Variants in COP1 observed in about 807,000 individuals in gnomAD.
COP1 encodes E3 ubiquitin-protein ligase COP1.
Under a neutral mutation model 101.3 loss-of-function variants are expected in COP1, and 24 were observed. That is an observed-to-expected ratio of 0.24 (90% CI 0.17 to 0.33). The LOEUF (loss-of-function observed/expected upper bound fraction) is 0.33. Ranked by LOEUF, COP1 falls within the 10% of genes least tolerant of loss-of-function variation. The pLI is 1.00. For synonymous variants in COP1, 347 were observed against 341.9 expected (o/e 1.01, Z -0.17); for missense variants, 663 against 906.2 (o/e 0.73, Z 3.45).
intron 9 of COP1, among the ~76,000 whole-genome samples, chr1:176,103,815 T>C (rs533540090): frequency 6.6e-6 from 1 of 152,214 alleles, no homozygotes; most frequent in Middle Eastern, 3.4e-3. Context: ...AGGCAAAACC[T>C]AGAGTTAAAA....
chr1:176,199,393 C>T (rs917765873), intron 1 of COP1, among the ~76,000 whole-genome samples: 8 of 136,626 alleles, frequency 5.9e-5, no homozygotes, highest in African/African-American at 9.9e-5. Context: ...TAAAACTAAA[C>T]ATACACTTGG....
chr1:176,023,676 C>A (rs1307547953), intron 15 of COP1, among the ~76,000 whole-genome samples: 1 of 148,136 alleles, frequency 6.8e-6, no homozygotes, highest in Non-Finnish European at 1.5e-5. Context: ...TGAGATCGTG[C>A]CATTGCACAC....
At chr1:176,200,567 AAATAC>A (rs1700165440) in intron 1 of COP1, among the ~76,000 whole-genome samples, 1 of 152,246 alleles carries the variant, frequency 6.6e-6, no homozygotes, top group South Asian at 2.1e-4. Context: ...GTTACACCAG[AAATAC>A]AATAAACAGA....
intron 19 of COP1, among the ~76,000 whole-genome samples, chr1:175,946,008 T>C (rs1045243420): frequency 1.3e-5 from 2 of 152,234 alleles, no homozygotes; most frequent in African/African-American, 4.8e-5. Flanking sequence ...TGAGCTCTTG[T>C]AGGTATGCTG....
At chr1:176,050,420 A>T (rs6665578) in intron 11 of COP1, among the ~76,000 whole-genome samples, 1 of 152,230 alleles carries the variant, frequency 6.6e-6, no homozygotes, top group African/African-American at 2.4e-5. Flanking sequence ...TTTTGCAATT[A>T]TAAGTATTAA....
chr1:176,042,028 CTTGAACCTGGGAG>C (rs1670641279), intron 14 of COP1, among the ~76,000 whole-genome samples: 1 of 152,112 alleles, frequency 6.6e-6, no homozygotes, highest in Non-Finnish European at 1.5e-5. Flanking sequence ...AAAAGAATCG[CTTGAACCTGGGAG>C]GCAGAGGTTG....
intron 5 of COP1, among the ~76,000 whole-genome samples, chr1:176,154,915 T>C (rs1693216325): frequency 6.6e-6 from 1 of 152,216 alleles, no homozygotes; most frequent in Non-Finnish European, 1.5e-5. Context: ...TTTTTATTTT[T>C]AAATAATTTT....
chr1:176,043,462 T>C (rs563438748), intron 13 of COP1, among the ~76,000 whole-genome samples, 195 bp from the exon 14 acceptor site: 2 of 152,320 alleles, frequency 1.3e-5, no homozygotes, highest in African/African-American at 2.4e-5. Context: ...ACCAAAATTA[T>C]TGCTTTTAGA....
intron 2 of COP1, among the ~76,000 whole-genome samples, chr1:176,180,444 T>C (rs1697588971): frequency 6.6e-6 from 1 of 152,158 alleles, no homozygotes; most frequent in Non-Finnish European, 1.5e-5. Flanking sequence ...AGATTAGTGC[T>C]CAACAACAGG....
chr1:176,141,895 G>A (rs1162555622), intron 6 of COP1, among the ~76,000 whole-genome samples: 9 of 151,682 alleles, frequency 5.9e-5, no homozygotes, highest in East Asian at 5.8e-4. Context: ...TATGCTCCAC[G>A]AATTTTTTTT....
intron 2 of COP1, among the ~76,000 whole-genome samples, chr1:176,183,872 G>T (rs915982120): frequency 1.3e-5 from 2 of 152,120 alleles, no homozygotes; most frequent in South Asian, 2.1e-4. Context: ...CTTATTCGAG[G>T]TATCTAGAAT....
At chr1:176,153,453 T>C (rs1050620127) in intron 5 of COP1, among the ~76,000 whole-genome samples, 4 of 152,336 alleles carry the variant, frequency 2.6e-5, no homozygotes, top group Admixed American at 6.5e-5. Flanking sequence ...TCTGAGACTT[T>C]GCTGAACTTG....
At chr1:176,107,620 A>G (rs1453688704) in intron 9 of COP1, among the ~76,000 whole-genome samples, 2 of 152,194 alleles carry the variant, frequency 1.3e-5, no homozygotes, top group Admixed American at 1.3e-4. Context: ...AAACTCAGAA[A>G]ATCATCATTT....
intron 11 of COP1, among the ~76,000 whole-genome samples, chr1:176,054,974 T>C (rs1001484665): frequency 6.6e-6 from 1 of 152,206 alleles, no homozygotes; most frequent in Non-Finnish European, 1.5e-5. Flanking sequence ...ACCTCTAAGT[T>C]GCTAAACAGA....
intron 9 of COP1, among the ~76,000 whole-genome samples, chr1:176,109,588 C>T (rs1207916936): frequency 1.3e-5 from 2 of 152,038 alleles, no homozygotes; most frequent in Admixed American, 1.3e-4. Flanking sequence ...ACATTCTACA[C>T]ACCCTTAAAA....
chr1:176,073,758 C>T (rs1404406554), intron 11 of COP1, among the ~76,000 whole-genome samples: 1 of 152,156 alleles, frequency 6.6e-6, no homozygotes, highest in Non-Finnish European at 1.5e-5. Context: ...AGGGTATGGT[C>T]TTAACTCCAA....
chr1:176,053,677 T>C (rs1672959189), intron 11 of COP1, among the ~76,000 whole-genome samples: 1 of 152,178 alleles, frequency 6.6e-6, no homozygotes, highest in African/African-American at 2.4e-5. Context: ...ACTACTTCCA[T>C]TCTTTCCAGT....
chr1:175,964,652 T>A (rs761866986), intron 18 of COP1, among the ~76,000 whole-genome samples: 1 of 152,338 alleles, frequency 6.6e-6, no homozygotes, highest in South Asian at 2.1e-4. Flanking sequence ...TAAGTTTAAA[T>A]TGTATGTCCA....
At chr1:175,965,586 T>TTTGC (rs1553277492) in intron 18 of COP1, among the ~76,000 whole-genome samples, 2 of 2,308 alleles carry the variant, frequency 8.7e-4, no homozygotes, top group South Asian at 0.059. Context: ...TTGTTTTGTT[T>TTTGC]TTGTTTGTTT....
Sources: allele counts gnomAD v4.1 joint callset (sites outside exome capture counted in the v4.1 genomes callset), GRCh38; gene constraint gnomAD v4.1.1; transcripts MANE v1.5; gene names NCBI Gene and HGNC (gene_info 2026-07-23, HGNC 2026-07-21).